COL4A1: variants seen among roughly 807,000 people sequenced by gnomAD.
COL4A1 encodes collagen alpha-1(IV) chain.
In COL4A1, 40 loss-of-function variants were observed where a neutral mutation model predicts 216.6. The observed-to-expected ratio is 0.18, with a 90% confidence interval of 0.14 to 0.24. The LOEUF (loss-of-function observed/expected upper bound fraction) is 0.24, where lower values mean the gene tolerates loss of function less well. Among genes scored for constraint, COL4A1 ranks in the 10% least tolerant of loss-of-function variants. COL4A1 has a pLI of 1.00. For synonymous variants in COL4A1, 839 were observed against 810.7 expected (o/e 1.03, Z -0.59); for missense variants, 1,628 against 2,196.8 (o/e 0.74, Z 5.18).
chr13:110,183,742 T>C lies in COL4A1; in HGVS notation c.1898-466A>G, dbSNP rs374140089. ...CCAAACAACATGATCCGCGGGTGAT[T>C]ACGAACGATCCATTATCTGTAATGG... is the stretch of plus-strand genomic sequence containing the variant. On this transcript the variant is annotated intron_variant, in intron 26 of 51. Coordinates refer to ENST00000375820, the MANE Select transcript of COL4A1 (RefSeq NM_001845.6). Among the ~76,000 whole-genome samples, 33 of 152,322 alleles carry C rather than the reference T, an allele frequency of 2.2e-4. 1 individual carries two copies. In the East Asian group the frequency reaches 4.1e-3, roughly 19 times the overall value.
At chr13:110,240,421 G>A (rs967211356) in intron 2 of COL4A1, among the ~76,000 whole-genome samples, 3 of 152,218 alleles carry the variant, frequency 2.0e-5, no homozygotes, top group African/African-American at 4.8e-5. Context: ...GACTCCCAGT[G>A]TCAAGGCTAA....
chr13:110,169,864 CA>C, intron 42 of COL4A1, 102 bp from the exon 43 acceptor site: 1 of 1,366,922 alleles, frequency 7.3e-7, no homozygotes, highest in Non-Finnish European at 9.8e-7. Context: ...CTCACTGATA[CA>C]ACACTGGACC....
chr13:110,251,463 T>C (rs1239583694), intron 1 of COL4A1, among the ~76,000 whole-genome samples: 1 of 152,226 alleles, frequency 6.6e-6, no homozygotes, highest in African/African-American at 2.4e-5. Flanking sequence ...TGAGATTCAC[T>C]TCCCATCTAC....
At chr13:110,215,753 T>A (rs542163474) in intron 2 of COL4A1, among the ~76,000 whole-genome samples, 4 of 152,202 alleles carry the variant, frequency 2.6e-5, no homozygotes, top group Non-Finnish European at 5.9e-5. Flanking sequence ...GTTCAGTGCC[T>A]TTCTCAAAGT....
chr13:110,225,883 C>T (rs1347857245), intron 2 of COL4A1, among the ~76,000 whole-genome samples: 2 of 152,200 alleles, frequency 1.3e-5, no homozygotes, highest in Non-Finnish European at 1.5e-5. Context: ...ATCTGTAAGT[C>T]AGGGATGACT....
intron 42 of COL4A1, among the ~76,000 whole-genome samples, chr13:110,170,001 G>A (rs1877539598): frequency 7.3e-6 from 1 of 136,086 alleles, no homozygotes; most frequent in African/African-American, 2.7e-5. Context: ...GAACCCTTGA[G>A]ACAGAAATTG....
At chr13:110,179,893 T>C (rs771345714) in intron 29 of COL4A1, among the ~76,000 whole-genome samples, 14 of 152,194 alleles carry the variant, frequency 9.2e-5, no homozygotes, top group Non-Finnish European at 1.9e-4. Context: ...CACAGTAAAT[T>C]AAGCATTTTA....
Position 110,217,728 on chromosome 13 carries a change from C to G in COL4A1, c.145-3713G>C, listed in dbSNP as rs548094880. The stretch of plus-strand genomic sequence containing the variant: ...CCGGAGATGACTACTGCTGTGTCCC[C>G]AAATGATGAAATTCAGAATTTGTGG... On this transcript the variant is annotated intron_variant, in intron 2 of 51. Coordinates refer to ENST00000375820, the MANE Select transcript of COL4A1 (RefSeq NM_001845.6). Among the ~76,000 whole-genome samples, 329 of 152,242 alleles carry G rather than the reference C, an allele frequency of 2.2e-3. 2 individuals carry two copies. The highest frequency in any genetic ancestry group is 0.02 in the Middle Eastern group (6 of 294).
At chr13:110,256,653 G>A (rs1386768550) in intron 1 of COL4A1, among the ~76,000 whole-genome samples, 1 of 152,180 alleles carries the variant, frequency 6.6e-6, no homozygotes, top group Non-Finnish European at 1.5e-5. Context: ...GTATTTACAG[G>A]TGCAACTGGA....
chr13:110,218,829 T>G (rs1880228273), intron 2 of COL4A1, among the ~76,000 whole-genome samples: 1 of 152,150 alleles, frequency 6.6e-6, no homozygotes, highest in South Asian at 2.1e-4. Flanking sequence ...AGATTTCCAT[T>G]TACGAGCAGA....
intron 1 of COL4A1, among the ~76,000 whole-genome samples, chr13:110,269,198 A>G (rs1014101363): frequency 1.3e-5 from 2 of 152,182 alleles, no homozygotes; most frequent in Non-Finnish European, 2.9e-5. Flanking sequence ...AAGAAAATCC[A>G]TTTCCTGATG....
intron 1 of COL4A1, among the ~76,000 whole-genome samples, chr13:110,261,882 C>A (rs189244919): frequency 1.2e-4 from 19 of 152,324 alleles, no homozygotes; most frequent in African/African-American, 4.3e-4. Context: ...CACCGGCTGT[C>A]CCCCGGTGAC....
At chr13:110,229,931 C>T (rs571864735) in intron 2 of COL4A1, among the ~76,000 whole-genome samples, 46 of 152,294 alleles carry the variant, frequency 3.0e-4, no homozygotes, top group African/African-American at 9.1e-4. Flanking sequence ...TGACTTCTGC[C>T]GGCTGGCCTT....
At position 110,212,437 on chromosome 13, in the gene COL4A1, G is replaced by A. The variant is rs138503916; in HGVS notation, c.367C>T (p.Pro123Ser). Residue 123 changes from proline to serine, a missense_variant, in exon 6 of 52, where the codon CCA becomes TCA. Physicochemically the swap from Pro to Ser is moderately conservative, Grantham distance 74. Around this residue, in one of 8 missense-constraint regions of COL4A1, gnomAD observed 150 missense variants for 211.9 expected, o/e 0.71. Coordinates refer to ENST00000375820, the MANE Select transcript of COL4A1 (RefSeq NM_001845.6). ...QDGPPGPPGI[P>S]GCNGTKGERG... ...TTTACCTTTGTGCCATTGCATCCTGGAATACCTGGGGGGCCTGGCGGGCCG... is the reference window on the plus strand; with the variant it reads ...TTTACCTTTGTGCCATTGCATCCTGAAATACCTGGGGGGCCTGGCGGGCCG... 4.2e-5 allele frequency: 68 copies of A among 1,613,958 alleles called. No homozygotes were observed. The African/African-American group carries it at 7.9e-4, about 19-fold the overall frequency.
chr13:110,282,323 A>G (rs750290216), intron 1 of COL4A1, among the ~76,000 whole-genome samples: 1 of 152,162 alleles, frequency 6.6e-6, no homozygotes, highest in Non-Finnish European at 1.5e-5. Context: ...TGGGGGACTC[A>G]TGTAGAGTAC....
intron 1 of COL4A1, among the ~76,000 whole-genome samples, chr13:110,296,824 C>T (rs998282495): frequency 6.6e-6 from 1 of 152,176 alleles, no homozygotes; most frequent in African/African-American, 2.4e-5. Context: ...TTTGATTAAC[C>T]TGCTAGGAAG....
At chr13:110,197,418 T>C (rs1373750) in intron 21 of COL4A1, among the ~76,000 whole-genome samples, 32 of 152,138 alleles carry the variant, frequency 2.1e-4, no homozygotes, top group Non-Finnish European at 4.0e-4. Flanking sequence ...TGAATGAATC[T>C]GGAACCCAAA....
At chr13:110,222,255 C>G (rs576068783) in intron 2 of COL4A1, among the ~76,000 whole-genome samples, 1 of 152,274 alleles carries the variant, frequency 6.6e-6, no homozygotes, top group Admixed American at 6.5e-5. Flanking sequence ...CCAAGCACCC[C>G]CTTGTTGAAG....
intron 24 of COL4A1, among the ~76,000 whole-genome samples, chr13:110,190,165 G>C (rs1878567224): frequency 6.6e-6 from 1 of 151,830 alleles, no homozygotes; most frequent in Non-Finnish European, 1.5e-5. Flanking sequence ...AGAAATCTGG[G>C]TTTTTAAAAC....
Sources: gnomAD v4.1 joint callset for allele counts (sites outside exome capture counted in the v4.1 genomes callset) on GRCh38, gnomAD v4.1.1 for gene constraint, gnomAD v4.1.1 regional missense constraint, MANE v1.5 for transcripts, NCBI Gene and HGNC (gene_info 2026-07-23, HGNC 2026-07-21) for gene names.